ZNF804A: variants seen among roughly 807,000 people sequenced by gnomAD.
The protein encoded by ZNF804A is zinc finger protein 804A.
Under a neutral mutation model 16.5 loss-of-function variants are expected in ZNF804A, and 2 were observed. The observed-to-expected ratio is 0.12, with a 90% CI of 0.05 to 0.38. The LOEUF (loss-of-function observed/expected upper bound fraction) is 0.38. Ranked by LOEUF, ZNF804A falls within the 10% of genes least tolerant of loss-of-function variation. The pLI, the probability that ZNF804A is intolerant of heterozygous loss-of-function variation, is 0.99. For missense variants in ZNF804A, 1,473 were observed against 1,390.7 expected, an observed-to-expected ratio of 1.06 and a Z score of -0.94; for synonymous variants, 534 against 489.6, an observed-to-expected ratio of 1.09 and a Z score of -1.20.
At chr2:184,876,550 G>A (rs1684683042) in intron 2 of ZNF804A, among the ~76,000 whole-genome samples, 1 of 152,062 alleles carries the variant, frequency 6.6e-6, no homozygotes, top group Non-Finnish European at 1.5e-5. Flanking sequence ...AATGCACACA[G>A]GCACACACAT....
chr2:184,777,071 C>A (rs1310586258), intron 1 of ZNF804A, among the ~76,000 whole-genome samples: 1 of 151,396 alleles, frequency 6.6e-6, no homozygotes, highest in African/African-American at 2.4e-5. Context: ...TCCAGCACAC[C>A]CTCAGAAAAT....
chr2:184,937,712 T>C lies in ZNF804A; in HGVS notation c.2316T>C (p.Arg772=), dbSNP rs188620484. 4 of 1,614,024 alleles carry C rather than the reference T, an allele frequency of 2.5e-6. No homozygotes were observed. Among genetic ancestry groups the C allele is most frequent in the Middle Eastern group, 1.7e-4 (1 of 6,060 alleles). ...AATCAGAAAGATTCTATCGAAAACG[T>C]AGACAACATTCACATTCTTATTCTT... ...MNESERFYRK[R]RQHSHSYSSD... is the part of the protein sequence containing the mutation. The change falls in exon 4 of 4, where the codon CGT becomes CGC. Residue 772 remains arginine, a synonymous_variant. Transcript: ENST00000302277.
intron 2 of ZNF804A, 24 bp from the exon 3 acceptor site, chr2:184,933,579 C>G (rs747825853): frequency 2.6e-6 from 4 of 1,568,010 alleles, no homozygotes; most frequent in Admixed American, 2.2e-5. Context: ...TACAATTAAT[C>G]ATTTTCCAAC....
At chr2:184,751,288 CA>C (rs1324446822) in intron 1 of ZNF804A, among the ~76,000 whole-genome samples, 3 of 151,180 alleles carry the variant, frequency 2.0e-5, no homozygotes, top group Admixed American at 1.3e-4. Context: ...ATAGCCTCTT[CA>C]AAAAATGGTG....
chr2:184,674,528 A>G (rs1692389729), intron 1 of ZNF804A, among the ~76,000 whole-genome samples: 1 of 151,906 alleles, frequency 6.6e-6, no homozygotes, highest in Non-Finnish European at 1.5e-5. Flanking sequence ...ATTATAAATA[A>G]TAGTGAAACT....
At chr2:184,887,559 T>G (rs1684913355) in intron 2 of ZNF804A, among the ~76,000 whole-genome samples, 1 of 152,224 alleles carries the variant, frequency 6.6e-6, no homozygotes, top group Non-Finnish European at 1.5e-5. Context: ...TTAGTTGGAC[T>G]TACAGTTCCA....
At chr2:184,825,329 T>A (rs955048961) in intron 1 of ZNF804A, among the ~76,000 whole-genome samples, 1 of 152,174 alleles carries the variant, frequency 6.6e-6, no homozygotes, top group African/African-American at 2.4e-5. Flanking sequence ...ACAGATAAGT[T>A]TATATATCAG....
intron 1 of ZNF804A, among the ~76,000 whole-genome samples, chr2:184,696,295 C>G (rs1452254383): frequency 6.6e-6 from 1 of 152,002 alleles, no homozygotes; most frequent in Non-Finnish European, 1.5e-5. Flanking sequence ...TTAGATTTCA[C>G]AAGCTGGAAA....
intron 1 of ZNF804A, among the ~76,000 whole-genome samples, chr2:184,616,709 T>A (rs1691326858): frequency 6.6e-6 from 1 of 152,174 alleles, no homozygotes; most frequent in South Asian, 2.1e-4. Flanking sequence ...CCTAGTTTAT[T>A]CTATGCAGGA....
intron 2 of ZNF804A, among the ~76,000 whole-genome samples, chr2:184,887,998 G>A (rs184828175): frequency 3.3e-5 from 5 of 152,150 alleles, no homozygotes; most frequent in Admixed American, 1.3e-4. Context: ...GTACGGTAAC[G>A]GTTGAAGAAC....
rs1008677508 is a variant in ZNF804A at position 184,827,497 on chromosome 2, A to AAT, written c.112-38860_112-38859dup. Among the ~76,000 whole-genome samples, 15 of 146,414 alleles carry AAT rather than the reference A, an allele frequency of 1.0e-4. 1 individual carries two copies. In the East Asian group the frequency reaches 2.4e-3, roughly 23 times the overall value. ...TAATATATATTTATATATATATAAA[A>AAT]ATATATATATATAAAACTTTCACCC... On this transcript the variant is annotated intron_variant, in intron 1 of 3. Coordinates refer to ENST00000302277, the MANE Select transcript of ZNF804A (RefSeq NM_194250.2).
chr2:184,741,301 T>C (rs1693705437), intron 1 of ZNF804A, among the ~76,000 whole-genome samples: 1 of 152,190 alleles, frequency 6.6e-6, no homozygotes, highest in South Asian at 2.1e-4. Context: ...TCTCAGTTGT[T>C]CTCATTCAGT....
At chr2:184,777,094 C>T (rs1574207476) in intron 1 of ZNF804A, among the ~76,000 whole-genome samples, 1 of 151,330 alleles carries the variant, frequency 6.6e-6, no homozygotes, top group Non-Finnish European at 1.5e-5. Flanking sequence ...TGATGGTTGC[C>T]TCTGTCTTTG....
At chr2:184,873,152 G>A (rs1696000103) in intron 2 of ZNF804A, among the ~76,000 whole-genome samples, 2 of 152,110 alleles carry the variant, frequency 1.3e-5, no homozygotes, top group South Asian at 4.1e-4. Flanking sequence ...ATATATTTTA[G>A]GAACATATCT....
At chr2:184,806,155 G>T (rs184665316) in intron 1 of ZNF804A, among the ~76,000 whole-genome samples, 3 of 151,950 alleles carry the variant, frequency 2.0e-5, no homozygotes, top group Admixed American at 2.0e-4. Context: ...TTAATAAATG[G>T]CATTGAATAA....
chr2:184,897,934 G>A (rs964990941), intron 2 of ZNF804A, among the ~76,000 whole-genome samples: 2 of 152,088 alleles, frequency 1.3e-5, no homozygotes, highest in African/African-American at 4.8e-5. Context: ...GACTTTTGCT[G>A]GAGAATGTTA....
chr2:184,822,270 G>A (rs549568622), intron 1 of ZNF804A, among the ~76,000 whole-genome samples: 235 of 152,190 alleles, frequency 1.5e-3, no homozygotes, highest in African/African-American at 5.2e-3. Context: ...GCCCATGGAC[G>A]GAGCTGGAAG....
chr2:184,702,583 T>G (rs1692937630), intron 1 of ZNF804A, among the ~76,000 whole-genome samples: 1 of 152,082 alleles, frequency 6.6e-6, no homozygotes, highest in South Asian at 2.1e-4. Flanking sequence ...TAAGCAAAAT[T>G]TTAACTACCA....
intron 2 of ZNF804A, among the ~76,000 whole-genome samples, chr2:184,905,902 A>G (rs549537094): frequency 2.0e-5 from 3 of 152,294 alleles, no homozygotes; most frequent in South Asian, 4.1e-4. Context: ...ACTTGGTGAT[A>G]TAGCTTGCAG....
Sources: gnomAD v4.1 joint callset for allele counts (sites outside exome capture counted in the v4.1 genomes callset) on GRCh38, gnomAD v4.1.1 for gene constraint, MANE v1.5 for transcripts, NCBI Gene and HGNC (gene_info 2026-07-23, HGNC 2026-07-21) for gene names.